The following CLECL1 variants were observed in gnomAD, a reference collection of about 807,000 sequenced individuals.
CLECL1 encodes the protein C-type lectin like 1.
chr12:9,702,525 A>C, the CLECL1 span, among the ~76,000 whole-genome samples: 3 of 152,114 alleles, frequency 2.0e-5, no homozygotes, highest in African/African-American at 7.2e-5. Context: ...GCATGTTCTC[A>C]TTTTGGTCTG....
At chr12:9,706,299 C>T in the CLECL1 span, among the ~76,000 whole-genome samples, 2 of 152,140 alleles carry the variant, frequency 1.3e-5, no homozygotes, top group Non-Finnish European at 2.9e-5. Context: ...ATGTCATCTG[C>T]AAACAAAGAC....
the CLECL1 span, among the ~76,000 whole-genome samples, chr12:9,707,186 G>A: frequency 2.0e-5 from 3 of 152,116 alleles, no homozygotes; most frequent in Admixed American, 6.5e-5. Context: ...GGGTTAATTG[G>A]AGTACCAGAA....
At chr12:9,704,363 A>G in the CLECL1 span, among the ~76,000 whole-genome samples, 1 of 152,174 alleles carries the variant, frequency 6.6e-6, no homozygotes, top group Non-Finnish European at 1.5e-5. Flanking sequence ...GTTATTTCAC[A>G]ATTTTCATAT....
chr12:9,718,779 A>C, downstream of CLECL1: 2 of 700,986 alleles, frequency 2.9e-6, no homozygotes, highest in Non-Finnish European at 2.6e-6. Context: ...GATCAGCTGA[A>C]AACCAAGGAG....
the CLECL1 span, among the ~76,000 whole-genome samples, chr12:9,710,096 G>A: frequency 1.3e-5 from 2 of 152,192 alleles, no homozygotes; most frequent in African/African-American, 2.4e-5. Flanking sequence ...TTTCAACAGA[G>A]TGAAACAACT....
At chr12:9,702,676 T>C in the CLECL1 span, among the ~76,000 whole-genome samples, 1 of 152,336 alleles carries the variant, frequency 6.6e-6, no homozygotes, top group Non-Finnish European at 1.5e-5. Context: ...TGGAAAGTTA[T>C]ATGCTGCTTC....
chr12:9,708,804 T>G, the CLECL1 span: 1 of 177,362 alleles, frequency 5.6e-6, no homozygotes, highest in Non-Finnish European at 1.2e-5. Flanking sequence ...TGGCTTTCTC[T>G]CTCCATCACA....
chr12:9,732,082 G>A (rs1201827278), intron 1 of CLECL1, among the ~76,000 whole-genome samples: 1 of 152,100 alleles, frequency 6.6e-6, no homozygotes, highest in Non-Finnish European at 1.5e-5. Context: ...GAAACAAGAT[G>A]CTTTTACAAC....
At chr12:9,713,930 C>G (rs138785464), downstream of CLECL1, among the ~76,000 whole-genome samples, 42 of 152,290 alleles carry the variant, frequency 2.8e-4, no homozygotes, top group Non-Finnish European at 5.6e-4. Context: ...TTTGTTATAT[C>G]TTTAACTATG....
downstream of CLECL1, among the ~76,000 whole-genome samples, chr12:9,719,981 C>T (rs1866289325): frequency 6.6e-6 from 1 of 152,156 alleles, no homozygotes. Context: ...CTCTTTTACT[C>T]CTTTTCTGAA....
chr12:9,720,277 T>C (rs1866293120), downstream of CLECL1, among the ~76,000 whole-genome samples: 1 of 152,060 alleles, frequency 6.6e-6, no homozygotes, highest in South Asian at 2.1e-4. Context: ...GTAGGTCTTT[T>C]AGTTTATTGT....
At chr12:9,715,592 C>A (rs1412285772), downstream of CLECL1, among the ~76,000 whole-genome samples, 2 of 152,198 alleles carry the variant, frequency 1.3e-5, no homozygotes, top group Admixed American at 1.3e-4. Context: ...GAAGGCAGCC[C>A]TCTGTGTGGG....
At chr12:9,712,294 C>T (rs747923024), downstream of CLECL1, among the ~76,000 whole-genome samples, 2 of 152,282 alleles carry the variant, frequency 1.3e-5, no homozygotes, top group East Asian at 1.9e-4. Flanking sequence ...GTAAGTCTAA[C>T]GATGTAAGTC....
the CLECL1 span, among the ~76,000 whole-genome samples, chr12:9,706,368 C>T: frequency 5.9e-5 from 9 of 152,272 alleles, no homozygotes; most frequent in Non-Finnish European, 1.0e-4. Context: ...TGCCTGATTG[C>T]CCAGGCCAAA....
chr12:9,730,670 C>T lies in CLECL1; in HGVS notation n.83-994G>A, dbSNP rs1056407494. On this transcript the variant is annotated intron_variant and non_coding_transcript_variant, in intron 1 of 3. Coordinates refer to ENST00000621400, the Ensembl canonical transcript of CLECL1. The stretch of plus-strand genomic sequence containing the variant: ...GAAAGAATGTGGTGATGTCACTACA[C>T]GTTTCTTTTTCTTTCTTTTTTTCTT... Among the ~76,000 whole-genome samples the T allele has an allele frequency of 4.6e-5, 7 of 152,102 alleles. No homozygotes were observed. In the South Asian group the frequency reaches 1.0e-3, roughly 23 times the overall value.
chr12:9,717,841 T>C (rs1866257339), downstream of CLECL1, among the ~76,000 whole-genome samples: 1 of 152,152 alleles, frequency 6.6e-6, no homozygotes, highest in Non-Finnish European at 1.5e-5. Context: ...TCTGCTTGCT[T>C]TGGGTTTAGC....
intron 2 of CLECL1, among the ~76,000 whole-genome samples, chr12:9,729,514 A>G (rs1391523253): frequency 3.9e-5 from 6 of 152,154 alleles, no homozygotes. Flanking sequence ...GAACCATTTA[A>G]ATAGCAAACA....
At chr12:9,703,226 A>G in the CLECL1 span, among the ~76,000 whole-genome samples, 3 of 152,326 alleles carry the variant, frequency 2.0e-5, no homozygotes, top group African/African-American at 7.2e-5. Context: ...ATGAATGGAC[A>G]ATCAAGATTT....
chr12:9,716,833 A>G (rs1866244498), intron 2 of CLECL1: 3 of 970,158 alleles, frequency 3.1e-6, no homozygotes, highest in Non-Finnish European at 4.3e-6. Flanking sequence ...CATTTGAGGC[A>G]AAACTACTGA....
Sources: gnomAD v4.1 joint callset for allele counts (sites outside exome capture counted in the v4.1 genomes callset) on GRCh38, gnomAD v4.1.1 for gene constraint, MANE v1.5 for transcripts, NCBI Gene and HGNC (gene_info 2026-07-23, HGNC 2026-07-21) for gene names.